CWC27: variants seen among roughly 807,000 people sequenced by gnomAD.
CWC27 encodes the protein spliceosome-associated protein CWC27 homolog.
CWC27 carries 47 observed loss-of-function variants against 63.6 expected under a neutral mutation model. The ratio of observed to expected loss-of-function variants is 0.74; its 90% CI spans 0.58 to 0.94. The LOEUF is 0.94. Ranked by LOEUF, CWC27 falls within the 40% of genes least tolerant of loss-of-function variation. The pLI is 0.00. For synonymous variants in CWC27, 175 were observed against 179.8 expected (o/e 0.97, Z 0.22); for missense variants, 495 against 554.3 (o/e 0.89, Z 1.07).
At chr5:64,856,207 T>C (rs1317367359) in intron 10 of CWC27, among the ~76,000 whole-genome samples, 2 of 152,108 alleles carry the variant, frequency 1.3e-5, no homozygotes, top group African/African-American at 2.4e-5. Context: ...AATATCAATA[T>C]CAATACTTAT....
chr5:64,968,133 T>TA (rs1303332941), intron 11 of CWC27, among the ~76,000 whole-genome samples: 3 of 151,878 alleles, frequency 2.0e-5, no homozygotes, highest in Admixed American at 1.3e-4. Context: ...AACAAGCACA[T>TA]AAAAAATGTA....
At chr5:64,923,860 C>A (rs1748049939) in intron 11 of CWC27, among the ~76,000 whole-genome samples, 1 of 151,854 alleles carries the variant, frequency 6.6e-6, no homozygotes, top group African/African-American at 2.4e-5. Context: ...TAATAATTCC[C>A]AGACCTGAAT....
intron 10 of CWC27, among the ~76,000 whole-genome samples, chr5:64,878,526 T>G (rs914278169): frequency 7.4e-6 from 1 of 134,916 alleles, no homozygotes; most frequent in African/African-American, 2.8e-5. Flanking sequence ...CCTACTCATA[T>G]TAATCCTAAA....
chr5:64,939,343 T>G (rs1274681159), intron 11 of CWC27, among the ~76,000 whole-genome samples: 1 of 152,188 alleles, frequency 6.6e-6, no homozygotes, highest in Non-Finnish European at 1.5e-5. Flanking sequence ...TCCTTTCTGT[T>G]TGTTAGTTTT....
intron 11 of CWC27, among the ~76,000 whole-genome samples, chr5:64,929,992 CTG>C (rs35618646): frequency 0.17 from 25,540 of 151,632 alleles, 2,460 homozygotes; most frequent in South Asian, 0.33. Context: ...CCTAAACAAA[CTG>C]TGATGTATTC....
At chr5:64,848,239 A>G (rs1374851207) in intron 10 of CWC27, among the ~76,000 whole-genome samples, 1 of 152,154 alleles carries the variant, frequency 6.6e-6, no homozygotes, top group Non-Finnish European at 1.5e-5. Flanking sequence ...ACAATTATGC[A>G]CCAACATATA....
At chr5:64,906,551 T>C (rs1385776186) in intron 11 of CWC27, among the ~76,000 whole-genome samples, 1 of 152,218 alleles carries the variant, frequency 6.6e-6, no homozygotes, top group East Asian at 1.9e-4. Context: ...TTTAAGTTCT[T>C]TGTAGATTCT....
intron 9 of CWC27, among the ~76,000 whole-genome samples, chr5:64,802,314 TG>T (rs1744516160): frequency 6.6e-6 from 1 of 152,148 alleles, no homozygotes; most frequent in African/African-American, 2.4e-5. Context: ...GAGAGTTTGG[TG>T]TGTTCTAAGA....
intron 11 of CWC27, among the ~76,000 whole-genome samples, chr5:64,907,434 G>C (rs537671609): frequency 6.6e-6 from 1 of 152,248 alleles, no homozygotes; most frequent in African/African-American, 2.4e-5. Context: ...TAACAATTGT[G>C]AATGGGAGTT....
intron 7 of CWC27, among the ~76,000 whole-genome samples, chr5:64,790,965 G>A (rs1216339544): frequency 6.6e-6 from 1 of 152,080 alleles, no homozygotes; most frequent in Non-Finnish European, 1.5e-5. Context: ...AGCTAGTTAA[G>A]TCTCTCATAT....
chr5:64,942,223 G>A lies in CWC27; in HGVS notation c.1043-29480G>A, dbSNP rs1035414749. On this transcript the variant is annotated intron_variant, in intron 11 of 13. Transcript: ENST00000381070. Reference sequence around the variant, plus strand: ...GGAGTATGCTTGAGGTCAGGAGTTCGAGACCAGCCCAGGCAACATAGTAAG... The same window carrying A: ...GGAGTATGCTTGAGGTCAGGAGTTCAAGACCAGCCCAGGCAACATAGTAAG... Among the ~76,000 whole-genome samples, 4 of 151,516 alleles carry A rather than the reference G, an allele frequency of 2.6e-5. No individual in the cohort carries two copies. The South Asian group carries it at 8.3e-4, about 32-fold the overall frequency.
chr5:64,795,382 T>A (rs1744229827), intron 7 of CWC27, among the ~76,000 whole-genome samples: 1 of 152,210 alleles, frequency 6.6e-6, no homozygotes, highest in East Asian at 1.9e-4. Flanking sequence ...TGCCATAAAC[T>A]TAGTGGCATT....
chr5:64,790,221 C>G (rs1007712086), intron 7 of CWC27, among the ~76,000 whole-genome samples: 5 of 152,152 alleles, frequency 3.3e-5, no homozygotes, highest in African/African-American at 1.2e-4. Context: ...TTCTCCTGGG[C>G]TCTTATCCCT....
intron 13 of CWC27, among the ~76,000 whole-genome samples, chr5:65,004,378 C>CT (rs70983659): frequency 0.014 from 1,118 of 79,508 alleles, 73 homozygotes; most frequent in East Asian, 0.03. Flanking sequence ...GTTGTATAGG[C>CT]TTTTTTTTTT....
chr5:65,008,617 G>C (rs935544875), intron 13 of CWC27, among the ~76,000 whole-genome samples: 1 of 152,236 alleles, frequency 6.6e-6, no homozygotes, highest in Admixed American at 6.5e-5. Flanking sequence ...AATGTAGGAA[G>C]TGATGTGCCT....
At chr5:64,909,794 T>C (rs1561152699) in intron 11 of CWC27, among the ~76,000 whole-genome samples, 1 of 152,216 alleles carries the variant, frequency 6.6e-6, no homozygotes, top group Non-Finnish European at 1.5e-5. Flanking sequence ...TTTAAGGTCT[T>C]CTCTGTGCTG....
intron 1 of CWC27, among the ~76,000 whole-genome samples, chr5:64,769,450 G>T (rs202116): frequency 0.17 from 25,509 of 152,110 alleles, 2,595 homozygotes; most frequent in Non-Finnish European, 0.23. Flanking sequence ...TCATGCAGCC[G>T]ATTTCTGGGG....
At chr5:64,967,047 T>A (rs1749028666) in intron 11 of CWC27, among the ~76,000 whole-genome samples, 1 of 152,074 alleles carries the variant, frequency 6.6e-6, no homozygotes, top group Admixed American at 6.6e-5. Context: ...AGGTACTGCT[T>A]TTTGCTCTCC....
At chr5:64,978,995 C>T (rs562688104) in intron 13 of CWC27, among the ~76,000 whole-genome samples, 1 of 152,148 alleles carries the variant, frequency 6.6e-6, no homozygotes, top group East Asian at 1.9e-4. Context: ...CTTCCTAGCC[C>T]CTTGGTTCAG....
Sources: gnomAD v4.1 joint callset for allele counts (sites outside exome capture counted in the v4.1 genomes callset) on GRCh38, gnomAD v4.1.1 for gene constraint, MANE v1.5 for transcripts, NCBI Gene and HGNC (gene_info 2026-07-23, HGNC 2026-07-21) for gene names.